MTHFD1L: variants seen among roughly 807,000 people sequenced by gnomAD.
MTHFD1L encodes methylenetetrahydrofolate dehydrogenase (NADP+ dependent) 1 like, also known as monofunctional C1-tetrahydrofolate synthase, mitochondrial.
In MTHFD1L, 81 loss-of-function variants were observed where a neutral mutation model predicts 119.5. The ratio of observed to expected loss-of-function variants is 0.68; its 90% CI spans 0.57 to 0.82. MTHFD1L has a LOEUF of 0.82. MTHFD1L is among the 40% of genes least tolerant of loss of function. The probability of loss-of-function intolerance (pLI) is 0.00; values close to 1 mark genes in which losing one functional copy is unlikely to be tolerated. For synonymous variants in MTHFD1L, 430 were observed against 475.2 expected (o/e 0.90, Z 1.24); for missense variants, 1,125 against 1,253.4 (o/e 0.90, Z 1.55).
chr6:151,088,407 A>T (rs1794037036), intron 26 of MTHFD1L: 1 of 151,952 alleles, frequency 6.6e-6, no homozygotes, highest in Admixed American at 6.6e-5. Context: ...TTGAAACAAG[A>T]GGAAAGACAT....
At chr6:150,978,283 G>T (rs1776932076) in intron 20 of MTHFD1L, among the ~76,000 whole-genome samples, 1 of 152,038 alleles carries the variant, frequency 6.6e-6, no homozygotes, top group African/African-American at 2.4e-5. Context: ...AGAACTGTTG[G>T]TGCATATCTC....
chr6:151,050,534 A>G (rs1159517954), intron 26 of MTHFD1L, among the ~76,000 whole-genome samples: 2 of 152,218 alleles, frequency 1.3e-5, no homozygotes, highest in Non-Finnish European at 2.9e-5. Context: ...GCTCCAGCAA[A>G]TTAATCAAAC....
intron 8 of MTHFD1L, among the ~76,000 whole-genome samples, chr6:150,914,802 T>G (rs2128876488): frequency 6.6e-6 from 1 of 152,328 alleles, no homozygotes; most frequent in Admixed American, 6.5e-5. Flanking sequence ...AGCTTTGGGC[T>G]TATCCAGGGT....
intron 20 of MTHFD1L, among the ~76,000 whole-genome samples, chr6:150,990,432 A>C (rs1375351000): frequency 1.3e-5 from 2 of 152,042 alleles, no homozygotes; most frequent in Non-Finnish European, 2.9e-5. Flanking sequence ...TGATAAGATG[A>C]CATTTTATTT....
intron 4 of MTHFD1L, among the ~76,000 whole-genome samples, chr6:150,879,894 G>A (rs140930014): frequency 2.6e-5 from 4 of 152,142 alleles, no homozygotes; most frequent in Non-Finnish European, 5.9e-5. Flanking sequence ...CTCCCAAAGC[G>A]CTGGGATTAC....
Position 151,015,543 on chromosome 6 carries a change from G to T in MTHFD1L, c.2436G>T (p.Leu812Phe). The change falls in exon 24 of 28, where the codon TTG becomes TTT. Residue 812 changes from leucine (L) to phenylalanine (F), a missense_variant. Physicochemically the swap from Leu to Phe is conservative, Grantham distance 22. Coordinates refer to ENST00000367321, the MANE Select transcript of MTHFD1L (RefSeq NM_015440.5). ...FKTDTRAEIDLVCELAKRAGA... is the reference protein window; with the variant it reads ...FKTDTRAEIDFVCELAKRAGA... Reference sequence around the variant, plus strand: ...CCGACACCCGCGCTGAGATTGACTTGGTGTGTGAGCTTGCAAAGCGGGCTG... The same window carrying T: ...CCGACACCCGCGCTGAGATTGACTTTGTGTGTGAGCTTGCAAAGCGGGCTG... 6.2e-7 allele frequency: 1 copy of T among 1,613,772 alleles called. No individual in the cohort carries two copies. Among genetic ancestry groups the T allele is most frequent in the Non-Finnish European group, 8.5e-7 (1 of 1,179,922 alleles).
At chr6:151,085,895 T>C (rs1321259087) in intron 26 of MTHFD1L, among the ~76,000 whole-genome samples, 7 of 151,762 alleles carry the variant, frequency 4.6e-5, no homozygotes, top group Admixed American at 3.9e-4. Flanking sequence ...TAGCAGGGAC[T>C]GGGTCCTGGT....
At chr6:150,951,429 C>G (rs1162466405) in intron 16 of MTHFD1L, among the ~76,000 whole-genome samples, 1 of 152,176 alleles carries the variant, frequency 6.6e-6, no homozygotes, top group Non-Finnish European at 1.5e-5. Flanking sequence ...CCTTGCTATA[C>G]TAATAAAACT....
chr6:150,985,801 G>T (rs1778223271), intron 20 of MTHFD1L, among the ~76,000 whole-genome samples: 1 of 152,138 alleles, frequency 6.6e-6, no homozygotes, highest in Admixed American at 6.5e-5. Context: ...GCACGTCACT[G>T]GTGCCTCGTG....
At chr6:150,951,083 T>G (rs1794809902) in intron 16 of MTHFD1L, among the ~76,000 whole-genome samples, 1 of 148,600 alleles carries the variant, frequency 6.7e-6, no homozygotes. Flanking sequence ...GTCACCCAGG[T>G]TGGAGTGCAG....
At chr6:150,871,758 T>A (rs112483173) in intron 1 of MTHFD1L, among the ~76,000 whole-genome samples, 11 of 151,770 alleles carry the variant, frequency 7.2e-5, no homozygotes, top group African/African-American at 2.7e-4. Context: ...CACTTCGGCC[T>A]CCCAAACTGC....
At chr6:150,878,114 G>A (rs1486600144) in intron 4 of MTHFD1L, among the ~76,000 whole-genome samples, 1 of 152,226 alleles carries the variant, frequency 6.6e-6, no homozygotes, top group Non-Finnish European at 1.5e-5. Context: ...GCCGAGGCGA[G>A]GAAACTGGAC....
chr6:150,945,378 T>C, intron 14 of MTHFD1L, 89 bp from the exon 15 acceptor site: 1 of 1,010,004 alleles, frequency 9.9e-7, no homozygotes, highest in Non-Finnish European at 1.5e-6. Context: ...CGGTTATAAA[T>C]GCAATGAATT....
rs200722924 is a variant in MTHFD1L at position 151,092,521 on chromosome 6, G to A, written c.2902G>A (p.Asp968Asn). ...GCCCTGCTTTTATGACATAGATCTT[G>A]ATACCGAAACAGAACAAGTTAAAGG... ...TRPCFYDIDLDTETEQVKGLF is the reference protein window; with the variant it reads ...TRPCFYDIDLNTETEQVKGLF Residue 968 changes from aspartate (D) to asparagine (N), a missense_variant, in exon 27 of 28, where the codon GAT becomes AAT. This residue lies in a region of MTHFD1L where 61 missense variants were observed against 78.9 expected (regional missense o/e 0.77). Coordinates refer to ENST00000367321, the MANE Select transcript of MTHFD1L (RefSeq NM_015440.5). 24 of 1,614,142 alleles carry A rather than the reference G, an allele frequency of 1.5e-5. No individual in the cohort carries two copies. The highest frequency in any genetic ancestry group is 3.3e-4 in the Middle Eastern group (2 of 6,062).
At chr6:150,885,059 G>T (rs1031423467) in intron 5 of MTHFD1L, among the ~76,000 whole-genome samples, 21 of 152,208 alleles carry the variant, frequency 1.4e-4, no homozygotes, top group Admixed American at 3.9e-4. Context: ...GCTTTAGGCT[G>T]TGTCCTGGTA....
At chr6:150,902,362 T>A (rs1785214614) in intron 7 of MTHFD1L, among the ~76,000 whole-genome samples, 1 of 152,052 alleles carries the variant, frequency 6.6e-6, no homozygotes, top group Non-Finnish European at 1.5e-5. Flanking sequence ...GCCTGGGGAG[T>A]GGGGTGGTTT....
At chr6:151,050,805 G>T in intron 26 of MTHFD1L, among the ~76,000 whole-genome samples, 1 of 152,180 alleles carries the variant, frequency 6.6e-6, no homozygotes, top group East Asian at 1.9e-4. Context: ...AGGAAAACAC[G>T]GTTTGAGGAG....
intron 7 of MTHFD1L, among the ~76,000 whole-genome samples, chr6:150,903,785 A>G (rs908161251): frequency 5.3e-5 from 8 of 152,224 alleles, no homozygotes; most frequent in African/African-American, 9.6e-5. Flanking sequence ...TGATTAATAC[A>G]GTAGATTCAT....
chr6:151,028,173 T>TGACG (rs1448620716), intron 24 of MTHFD1L, among the ~76,000 whole-genome samples: 5 of 152,154 alleles, frequency 3.3e-5, no homozygotes, highest in African/African-American at 1.2e-4. Flanking sequence ...AGTACCGTCA[T>TGACG]GTGTGGGTGG....
Sources: allele counts gnomAD v4.1 joint callset (sites outside exome capture counted in the v4.1 genomes callset), GRCh38; gene constraint gnomAD v4.1.1; regional missense constraint gnomAD v4.1.1; transcripts MANE v1.5; gene names NCBI Gene and HGNC (gene_info 2026-07-23, HGNC 2026-07-21).